The following SUMF1 variants were observed in gnomAD, a reference collection of about 807,000 sequenced individuals.
SUMF1 encodes the protein sulfatase modifying factor 1.
Under a neutral mutation model 47.6 loss-of-function variants are expected in SUMF1, and 48 were observed. The observed-to-expected ratio is 1.01, with a 90% CI of 0.80 to 1.28. The LOEUF is 1.28. Among genes scored for constraint, SUMF1 ranks in the 50% most tolerant of loss-of-function variants. The pLI is 0.00. For missense variants in SUMF1, 571 were observed against 485.4 expected (o/e 1.18, Z -1.66); for synonymous variants, 230 against 192.1 (o/e 1.20, Z -1.63).
intron 8 of SUMF1, among the ~76,000 whole-genome samples, chr3:4,222,836 G>A (rs956354275): frequency 4.6e-5 from 7 of 152,090 alleles, no homozygotes; most frequent in Non-Finnish European, 7.4e-5. Flanking sequence ...CTGGAAGGGA[G>A]GCAAGCAAGA....
At chr3:4,162,669 G>A (rs969443391) in intron 8 of SUMF1, among the ~76,000 whole-genome samples, 8 of 152,126 alleles carry the variant, frequency 5.3e-5, no homozygotes, top group African/African-American at 1.2e-4. Flanking sequence ...CATGCCATGC[G>A]GCTGTTGCCA....
chr3:4,100,109 T>C (rs377524116), intron 8 of SUMF1, among the ~76,000 whole-genome samples: 5 of 151,220 alleles, frequency 3.3e-5, no homozygotes, highest in East Asian at 1.9e-4. Flanking sequence ...AAATTGTCTA[T>C]AGTAACCAAA....
intron 8 of SUMF1, among the ~76,000 whole-genome samples, chr3:4,211,206 A>ATC (rs1411260387): frequency 8.5e-6 from 1 of 117,480 alleles, no homozygotes; most frequent in Non-Finnish European, 1.7e-5. Flanking sequence ...ATACATACAT[A>ATC]TATATATATA....
At chr3:4,172,347 C>T (rs1559534191) in intron 8 of SUMF1, among the ~76,000 whole-genome samples, 1 of 152,092 alleles carries the variant, frequency 6.6e-6, no homozygotes, top group Non-Finnish European at 1.5e-5. Context: ...TGATTTTAGA[C>T]ACGTTGAGTT....
chr3:4,151,975 T>C (rs1694347077), intron 8 of SUMF1, among the ~76,000 whole-genome samples: 1 of 151,556 alleles, frequency 6.6e-6, no homozygotes, highest in African/African-American at 2.4e-5. Flanking sequence ...TGGGAAACAA[T>C]GACCTTTGTT....
chr3:4,389,686 T>A (rs1261698731), intron 7 of SUMF1, among the ~76,000 whole-genome samples: 2 of 152,312 alleles, frequency 1.3e-5, no homozygotes, highest in African/African-American at 4.8e-5. Context: ...GACTGGGTAA[T>A]TTCTTTTGTT....
At chr3:4,064,295 T>C (rs890609879) in intron 9 of SUMF1, among the ~76,000 whole-genome samples, 1 of 152,164 alleles carries the variant, frequency 6.6e-6, no homozygotes, top group Non-Finnish European at 1.5e-5. Flanking sequence ...GATCATTATA[T>C]GCTAACTATA....
At chr3:4,057,041 C>T (rs934773434) in intron 9 of SUMF1, among the ~76,000 whole-genome samples, 3 of 152,080 alleles carry the variant, frequency 2.0e-5, no homozygotes, top group Admixed American at 6.6e-5. Context: ...CCACCGCGCC[C>T]GGCCGTGATC....
At chr3:4,059,577 C>A (rs1231821519) in intron 9 of SUMF1, among the ~76,000 whole-genome samples, 1 of 152,112 alleles carries the variant, frequency 6.6e-6, no homozygotes, top group Non-Finnish European at 1.5e-5. Context: ...TGCAGAGAAT[C>A]CATTCTATCA....
chr3:4,386,261 C>T (rs1700670521), intron 7 of SUMF1, among the ~76,000 whole-genome samples: 1 of 152,150 alleles, frequency 6.6e-6, no homozygotes, highest in South Asian at 2.1e-4. Flanking sequence ...AGCATTGTCT[C>T]TTCATTTATT....
chr3:4,076,617 G>C (rs1487369432), intron 8 of SUMF1, among the ~76,000 whole-genome samples: 4 of 152,000 alleles, frequency 2.6e-5, no homozygotes, highest in Admixed American at 2.0e-4. Context: ...CTAATATCCA[G>C]AATCTACAAA....
At chr3:4,037,919 T>A (rs1694830811) in intron 9 of SUMF1, among the ~76,000 whole-genome samples, 1 of 152,206 alleles carries the variant, frequency 6.6e-6, no homozygotes, top group Non-Finnish European at 1.5e-5. Flanking sequence ...GTTGGCGGGT[T>A]ATGTTATTGA....
intron 9 of SUMF1, among the ~76,000 whole-genome samples, chr3:4,054,739 A>G (rs1695163333): frequency 6.6e-6 from 1 of 152,184 alleles, no homozygotes; most frequent in Admixed American, 6.5e-5. Flanking sequence ...AGAGAAACTG[A>G]TAAATAAACA....
At chr3:4,106,980 C>A (rs1243334910) in intron 8 of SUMF1, among the ~76,000 whole-genome samples, 3 of 152,058 alleles carry the variant, frequency 2.0e-5, no homozygotes, top group Non-Finnish European at 4.4e-5. Context: ...TCAGATATTT[C>A]TCCAACCCGT....
intron 4 of SUMF1, among the ~76,000 whole-genome samples, 164 bp downstream of exon 4, chr3:4,419,900 T>G (rs1008294491): frequency 6.6e-6 from 1 of 152,220 alleles, no homozygotes; most frequent in Admixed American, 6.5e-5. Flanking sequence ...GTTTGGGTCT[T>G]TACATACGTT....
Position 4,410,963 on chromosome 3 carries a change from G to A in SUMF1, c.856C>T (p.Pro286Ser). 6.2e-7 allele frequency: 1 copy of A among 1,614,048 alleles called. No individual in the cohort carries two copies. The highest frequency in any genetic ancestry group is 8.5e-7 in the Non-Finnish European group (1 of 1,179,912). Residue 286 changes from proline to serine, a missense_variant, in exon 7 of 9, where the codon CCC (proline) becomes TCC (serine). Transcript: ENST00000272902. ...QGTAPVDAFPPNGYGLYNIVG... is the reference protein window; with the variant it reads ...QGTAPVDAFPSNGYGLYNIVG... ...ATGTTGTATAAGCCATAACCATTGG[G>A]AGGGAAGGCATCAACCTAAAAACAA... is the stretch of plus-strand genomic sequence containing the variant.
Position 4,217,514 on chromosome 3 carries a change from T to TATATATATATATATATATATA in SUMF1, c.1015-148770_1015-148769insTATATATATATATATATATAT, listed in dbSNP as rs1553610066. Among the ~76,000 whole-genome samples, 22 of 45,180 alleles carry TATATATATATATATATATATA rather than the reference T, an allele frequency of 4.9e-4. 1 individual carries two copies. The highest frequency in any genetic ancestry group is 2.3e-3 in the African/African-American group (22 of 9,624). The allele number at this position is 45,180 out of a possible 152,430, so 29.6% of individuals were successfully genotyped here. On this transcript the variant is annotated intron_variant and NMD_transcript_variant, in intron 8 of 12. Coordinates refer to the SUMF1 transcript ENST00000448413. ...TGTATCCCAGAACTTAAAGTATTTT[T>TATATATATATATATATATATA]TATATATATATATATATATATATAT...
In SUMF1 at chr3:4,251,823, G is replaced by C. The variant is rs116436073; in HGVS notation, c.1014+124507C>G. Among the ~76,000 whole-genome samples the C allele has an allele frequency of 3.1e-3, 473 of 152,288 alleles. 3 individuals are homozygous for C. The highest frequency in any genetic ancestry group is 0.011 in the African/African-American group (453 of 41,558). On this transcript the variant is annotated intron_variant and NMD_transcript_variant, in intron 8 of 12. Coordinates refer to the SUMF1 transcript ENST00000448413. ...AGGCAAGACCCTACAATGGCAAAAA[G>C]ATAACTCACTGAAGGCTCAGTTAAT...
chr3:4,063,444 C>T (rs1351708867), intron 9 of SUMF1, among the ~76,000 whole-genome samples: 1 of 151,988 alleles, frequency 6.6e-6, no homozygotes, highest in Non-Finnish European at 1.5e-5. Context: ...TGCTAAAACC[C>T]CACCCCAAAG....
Sources: gnomAD v4.1 joint callset for allele counts (sites outside exome capture counted in the v4.1 genomes callset) on GRCh38, gnomAD v4.1.1 for gene constraint, MANE v1.5 for transcripts, NCBI Gene and HGNC (gene_info 2026-07-23, HGNC 2026-07-21) for gene names.